ERBB4: variants seen among roughly 807,000 people sequenced by gnomAD.
The protein encoded by ERBB4 is erb-b2 receptor tyrosine kinase 4, also known as receptor tyrosine-protein kinase erbB-4.
ERBB4 carries 42 observed loss-of-function variants against 158.0 expected under a neutral mutation model. The ratio of observed to expected loss-of-function variants is 0.27; its 90% CI spans 0.21 to 0.34. ERBB4 has a LOEUF of 0.34. ERBB4 is among the 10% of genes least tolerant of loss of function. The pLI is 1.00. For synonymous variants in ERBB4, 583 were observed against 558.7 expected (o/e 1.04, Z -0.61); for missense variants, 1,333 against 1,624.1 (o/e 0.82, Z 3.08).
chr2:211,603,226 G>GT (rs1397401402), intron 19 of ERBB4, among the ~76,000 whole-genome samples: 1 of 149,198 alleles, frequency 6.7e-6, no homozygotes, highest in Non-Finnish European at 1.5e-5. Context: ...GCAAGACTCC[G>GT]TCTCAATAAA....
intron 1 of ERBB4, among the ~76,000 whole-genome samples, chr2:212,275,149 A>C (rs564711576): frequency 0.046 from 6,982 of 151,762 alleles, 223 homozygotes; most frequent in African/African-American, 0.088. Flanking sequence ...ACATGTGCCA[A>C]ATTTTCTTTA....
chr2:212,212,682 A>G (rs1327950893), intron 1 of ERBB4, among the ~76,000 whole-genome samples: 1 of 152,174 alleles, frequency 6.6e-6, no homozygotes, highest in African/African-American at 2.4e-5. Flanking sequence ...ACAAGGCTAC[A>G]GTAACCAAAA....
chr2:211,384,232 A>G (rs537046316), intron 27 of ERBB4, among the ~76,000 whole-genome samples, 172 bp from the exon 28 acceptor site: 36 of 152,324 alleles, frequency 2.4e-4, no homozygotes, highest in African/African-American at 8.7e-4. Flanking sequence ...TGAAAAAAAG[A>G]GTAAGTGGGT....
chr2:211,602,843 A>T (rs2125817190), intron 19 of ERBB4, among the ~76,000 whole-genome samples: 1 of 152,252 alleles, frequency 6.6e-6, no homozygotes, highest in Non-Finnish European at 1.5e-5. Flanking sequence ...GGGATTCTGA[A>T]TGACGAGAAA....
At chr2:211,608,896 G>A (rs1270101002) in intron 19 of ERBB4, among the ~76,000 whole-genome samples, 5 of 152,070 alleles carry the variant, frequency 3.3e-5, no homozygotes, top group African/African-American at 1.2e-4. Context: ...TGTGATCCAG[G>A]ATTACTGACT....
At chr2:211,468,405 C>A (rs1393018141) in intron 20 of ERBB4, among the ~76,000 whole-genome samples, 1 of 152,078 alleles carries the variant, frequency 6.6e-6, no homozygotes, top group African/African-American at 2.4e-5. Context: ...CCAACCCATC[C>A]AGGGGTTTTG....
intron 1 of ERBB4, among the ~76,000 whole-genome samples, chr2:212,494,805 G>A (rs1450889790): frequency 6.6e-6 from 1 of 151,936 alleles, no homozygotes; most frequent in East Asian, 1.9e-4. Context: ...GAAATTAATG[G>A]CCAGCAGATG....
chr2:211,631,071 T>C (rs2070105208), intron 16 of ERBB4, among the ~76,000 whole-genome samples: 1 of 152,204 alleles, frequency 6.6e-6, no homozygotes, highest in Non-Finnish European at 1.5e-5. Context: ...TACCAGTTTG[T>C]TGTCGCGAAG....
At chr2:211,965,982 C>A (rs2081299644) in intron 2 of ERBB4, among the ~76,000 whole-genome samples, 1 of 152,088 alleles carries the variant, frequency 6.6e-6, no homozygotes, top group African/African-American at 2.4e-5. Context: ...GAGGCCAGGG[C>A]AGGAGGCTTG....
chr2:212,150,476 T>C (rs2080831645), intron 1 of ERBB4, among the ~76,000 whole-genome samples: 1 of 152,190 alleles, frequency 6.6e-6, no homozygotes, highest in African/African-American at 2.4e-5. Context: ...AGGTTAGAAC[T>C]TCAGCATATC....
chr2:211,669,568 T>A (rs1201689870), intron 14 of ERBB4, among the ~76,000 whole-genome samples: 6 of 152,096 alleles, frequency 3.9e-5, no homozygotes, highest in Non-Finnish European at 7.4e-5. Flanking sequence ...GCAGAGTGAA[T>A]AAAATTATAA....
Position 211,502,061 on chromosome 2 carries a change from C to A in ERBB4, c.2487+59842G>T, listed in dbSNP as rs79427069. On this transcript the variant is annotated intron_variant, in intron 20 of 27. Coordinates refer to ENST00000342788, the MANE Select transcript of ERBB4 (RefSeq NM_005235.3). ...ATTTGTTTTGGATCCCTGCTTACAG[C>A]CAAAGAAATGAGTTCAAAATGGTGG... Among the ~76,000 whole-genome samples the A allele has an allele frequency of 7.9e-3, 1,195 of 152,172 alleles. 21 individuals carry two copies. The highest frequency in any genetic ancestry group is 0.027 in the African/African-American group (1,135 of 41,530).
chr2:211,768,336 C>G (rs1252229356), intron 4 of ERBB4, among the ~76,000 whole-genome samples: 2 of 152,198 alleles, frequency 1.3e-5, no homozygotes, highest in Non-Finnish European at 2.9e-5. Flanking sequence ...CACAGTGAAG[C>G]TGTCGATGGA....
intron 1 of ERBB4, among the ~76,000 whole-genome samples, chr2:212,313,113 C>A (rs756416129): frequency 6.6e-6 from 1 of 150,510 alleles, no homozygotes; most frequent in Non-Finnish European, 1.5e-5. Context: ...TAAATATATC[C>A]AATTTGGATA....
At chr2:211,712,392 C>T (rs760855756) in intron 8 of ERBB4, among the ~76,000 whole-genome samples, 2 of 152,194 alleles carry the variant, frequency 1.3e-5, no homozygotes, top group South Asian at 2.1e-4. Context: ...AATCGAATGA[C>T]GATGACTCAT....
intron 1 of ERBB4, among the ~76,000 whole-genome samples, chr2:212,438,350 G>A (rs1337232832): frequency 1.3e-5 from 2 of 151,966 alleles, no homozygotes; most frequent in Non-Finnish European, 2.9e-5. Flanking sequence ...TTAAATGTTG[G>A]TTCTTATAAG....
intron 19 of ERBB4, among the ~76,000 whole-genome samples, chr2:211,590,692 A>T (rs1025449767): frequency 6.6e-6 from 1 of 152,114 alleles, no homozygotes; most frequent in Non-Finnish European, 1.5e-5. Context: ...TCGAGTAACG[A>T]TAAAACTCTG....
chr2:212,349,305 AC>A (rs1365341527), intron 1 of ERBB4, among the ~76,000 whole-genome samples: 1 of 151,738 alleles, frequency 6.6e-6, no homozygotes, highest in East Asian at 1.9e-4. Context: ...ACACACACAC[AC>A]ACACACACAC....
At chr2:212,000,684 G>T (rs2076082775) in intron 2 of ERBB4, among the ~76,000 whole-genome samples, 1 of 151,630 alleles carries the variant, frequency 6.6e-6, no homozygotes, top group African/African-American at 2.4e-5. Flanking sequence ...ACCAAGTTAA[G>T]AACAATTCAT....
Sources: allele counts gnomAD v4.1 joint callset (sites outside exome capture counted in the v4.1 genomes callset), GRCh38; gene constraint gnomAD v4.1.1; transcripts MANE v1.5; gene names NCBI Gene and HGNC (gene_info 2026-07-23, HGNC 2026-07-21).